IL9R: variants seen among roughly 807,000 people sequenced by gnomAD.
IL9R encodes the protein interleukin-9 receptor.
In IL9R, 54 loss-of-function variants were observed where a neutral mutation model predicts 56.3. The observed-to-expected ratio is 0.96, with a 90% CI of 0.77 to 1.20. The LOEUF is 1.20. IL9R is among the 50% of genes most tolerant of loss of function. The pLI is 0.00. For missense variants in IL9R, 545 were observed against 629.8 expected (o/e 0.87, Z 1.44); for synonymous variants, 212 against 250.2 (o/e 0.85, Z 1.44).
intron 1 of IL9R, among the ~76,000 whole-genome samples, chrX:155,998,752 A>G (rs1283272975): frequency 6.6e-6 from 1 of 151,848 alleles, no homozygotes; most frequent in South Asian, 2.1e-4. Context: ...CAAACGGTTG[A>G]GTTGGGTGCA....
chrX:156,006,146 T>G lies in IL9R; in HGVS notation c.845T>G (p.Leu282Arg). The G allele has an allele frequency of 6.5e-7, 1 of 1,545,136 alleles. No individual in the cohort carries two copies. The highest frequency in any genetic ancestry group is 8.9e-7 in the Non-Finnish European group (1 of 1,119,986). ...CTTGTTGCTGTGTCCATCTTTCTCC[T>G]GCTGACTGGCCCGACCTACCTCCTG... ...NTLVAVSIFLLLTGPTYLLFK... is the reference protein window; with the variant it reads ...NTLVAVSIFLRLTGPTYLLFK... The change falls in exon 7 of 9, where the codon CTG becomes CGG. Residue 282 changes from leucine (L) to arginine (R), a missense_variant. Coordinates refer to ENST00000244174, the MANE Select transcript of IL9R (RefSeq NM_002186.3).
intron 8 of IL9R, among the ~76,000 whole-genome samples, chrX:156,009,001 T>TTG (rs1199175492): frequency 6.7e-5 from 9 of 133,762 alleles, no homozygotes; most frequent in African/African-American, 1.1e-4. Flanking sequence ...CTGTGTGTGT[T>TTG]TGTGTGTGTG....
intron 1 of IL9R, chrX:156,001,476 G>A (rs2067518996): frequency 1.9e-6 from 3 of 1,609,316 alleles, no homozygotes; most frequent in Non-Finnish European, 2.5e-6. Flanking sequence ...TGTGGCTGGT[G>A]GTTCCAGGCT....
In IL9R at chrX:156,003,778, C is replaced by A. The variant is rs151115000; in HGVS notation, c.356C>A (p.Thr119Asn). 2 of 1,613,894 alleles carry A rather than the reference C, an allele frequency of 1.2e-6. No individual in the cohort carries two copies. The highest frequency in any genetic ancestry group is 3.3e-5 in the Admixed American group (2 of 59,998). ...GTGCTCGTGCCATCTGACAATTTCACCATCACTTTCCACCACTGCATGTCT... is the reference window on the plus strand; with the variant it reads ...GTGCTCGTGCCATCTGACAATTTCAACATCACTTTCCACCACTGCATGTCT... ...EAVLVPSDNFTITFHHCMSGR... is the reference protein window; with the variant it reads ...EAVLVPSDNFNITFHHCMSGR... The change falls in exon 4 of 9, where the codon ACC (threonine) becomes AAC (asparagine). Residue 119 changes from threonine to asparagine, a missense_variant. By Grantham distance (65) the Thr-to-Asn change is moderately conservative. Coordinates refer to ENST00000244174, the MANE Select transcript of IL9R (RefSeq NM_002186.3).
chrX:156,002,028 T>C (rs951238159), intron 1 of IL9R, among the ~76,000 whole-genome samples: 62 of 151,578 alleles, frequency 4.1e-4, no homozygotes, highest in Non-Finnish European at 1.2e-4. Context: ...GGGTCTTTAT[T>C]TAAGAGGACA....
chrX:156,002,761 T>TGGACACTGTGTGAGTGTTAGGACACA, intron 1 of IL9R, 145 bp from the exon 2 acceptor site: 7 of 1,171,300 alleles, frequency 6.0e-6, no homozygotes, highest in Admixed American at 1.8e-5. Flanking sequence ...TCCAGGACGC[T>TGGACACTGTGTGAGTGTTAGGACACA]GGACACTGTG....
At position 156,003,378 on chromosome X, in the gene IL9R, C is replaced by T; in HGVS notation, c.143-71C>T. 5 of 1,074,670 alleles carry T rather than the reference C, an allele frequency of 4.7e-6. No individual in the cohort carries two copies. The South Asian group carries it at 6.3e-5, about 13-fold the overall frequency. 66.6% of individuals were successfully genotyped at this position (1,074,670 alleles called of 1,614,324 possible). A position where few individuals can be genotyped will look rare whatever the true frequency, so the allele number is the denominator to read the frequency against. On this transcript the variant is annotated intron_variant, in intron 2 of 8. Coordinates refer to ENST00000244174, the MANE Select transcript of IL9R (RefSeq NM_002186.3). ...CCTGCTAGGGTGTCAGCTGTCAGAT[C>T]CTCCCCAACCCCCGAGCTCAGCTCT... is the stretch of plus-strand genomic sequence containing the variant.
intron 1 of IL9R, chrX:156,001,613 A>AC (rs1297730149): frequency 1.5e-5 from 7 of 468,680 alleles, no homozygotes; most frequent in East Asian, 1.1e-4. Flanking sequence ...CCTGCTGCCC[A>AC]TTGGTTTGTG....
intron 4 of IL9R, 136 bp downstream of exon 4, chrX:156,003,991 C>A: frequency 1.0e-6 from 1 of 956,334 alleles, no homozygotes. Flanking sequence ...AGATCCAGGG[C>A]TGGGGGCAGG....
chrX:156,002,216 G>A (rs892614938), intron 1 of IL9R, among the ~76,000 whole-genome samples: 5 of 152,060 alleles, frequency 3.3e-5, no homozygotes, highest in Admixed American at 2.6e-4. Flanking sequence ...TGGGCATGGC[G>A]GGAGATGCCT....
chrX:156,003,814 A>G lies in IL9R; in HGVS notation c.392A>G (p.Gln131Arg), dbSNP rs191763937. ...CACCACTGCATGTCTGGGAGGGAGC[A>G]GGTCAGCCTGGTGGACCCGGAGTAC... Reference protein sequence around the residue: ...TFHHCMSGREQVSLVDPEYLP... With the variant: ...TFHHCMSGRERVSLVDPEYLP... The change falls in exon 4 of 9, where the codon CAG (glutamine) becomes CGG (arginine). Residue 131 changes from glutamine to arginine, a missense_variant. By Grantham distance (43) the Gln-to-Arg change is conservative (BLOSUM62 1). Transcript: ENST00000244174. The G allele has an allele frequency of 2.5e-4, 399 of 1,613,930 alleles. 3 individuals carry two copies. In the Admixed American group the frequency reaches 6.4e-3, roughly 26 times the overall value.
intron 8 of IL9R, among the ~76,000 whole-genome samples, chrX:156,008,269 G>A: frequency 6.6e-6 from 1 of 150,930 alleles, no homozygotes. Context: ...CTCACTTTGG[G>A]CAAAGGACAA....
intron 1 of IL9R, chrX:156,001,258 T>A: frequency 5.5e-6 from 4 of 721,920 alleles, no homozygotes; most frequent in Non-Finnish European, 1.0e-5. Flanking sequence ...TCTCCACTGC[T>A]GGGGCAGCAG....
rs1569479082 is a variant in IL9R, at chrX:156,009,254, GTGTGTGTGTGTT to G, written c.973-552_973-541del. ...GTGTGTTCGTGTGGTGTGTGTGTCT[GTGTGTGTGTGTT>G]TGTGTGTGTATGTCTGTGTGTGTGT... On this transcript the variant is annotated intron_variant, in intron 8 of 8. Transcript: ENST00000244174. Among the ~76,000 whole-genome samples, 13 of 58,400 alleles carry G rather than the reference GTGTGTGTGTGTT, an allele frequency of 2.2e-4. No homozygotes were observed. The South Asian group carries it at 3.9e-3, about 17-fold the overall frequency. 38.3% of individuals were successfully genotyped at this position (58,400 alleles called of 152,430 possible).
intron 1 of IL9R, among the ~76,000 whole-genome samples, chrX:156,000,406 G>T (rs938870650): frequency 6.6e-6 from 1 of 152,090 alleles, no homozygotes; most frequent in African/African-American, 2.4e-5. Flanking sequence ...TAGGCATCTG[G>T]GCCAGACTTT....
intron 1 of IL9R, among the ~76,000 whole-genome samples, chrX:155,998,367 G>T (rs925042655): frequency 4.8e-4 from 73 of 151,990 alleles, no homozygotes; most frequent in Non-Finnish European, 9.6e-4. Flanking sequence ...GAGAGGGTTT[G>T]TTTTGGAAAG....
intron 2 of IL9R, 85 bp downstream of exon 2, chrX:156,003,104 C>G (rs2067654536): frequency 6.4e-7 from 1 of 1,566,280 alleles, no homozygotes; most frequent in Non-Finnish European, 8.8e-7. Flanking sequence ...TGTCAAGCCT[C>G]TAGGGAAAGG....
intron 2 of IL9R, 81 bp from the exon 3 acceptor site, chrX:156,003,368 G>T: frequency 1.0e-6 from 1 of 973,198 alleles, no homozygotes; most frequent in Admixed American, 1.7e-5. Flanking sequence ...TAGGGTGTCA[G>T]CTGTCAGATC....
intron 7 of IL9R, among the ~76,000 whole-genome samples, chrX:156,006,668 A>G (rs765291010): frequency 3.6e-4 from 54 of 152,106 alleles, no homozygotes; most frequent in African/African-American, 1.3e-3. Context: ...CATGCACCAC[A>G]TGTCAGGTTA....
Sources: gnomAD v4.1 joint callset for allele counts (sites outside exome capture counted in the v4.1 genomes callset) on GRCh38, gnomAD v4.1.1 for gene constraint, MANE v1.5 for transcripts, NCBI Gene and HGNC (gene_info 2026-07-23, HGNC 2026-07-21) for gene names.